The following EPB41L1 variants were observed in gnomAD, a reference collection of about 807,000 sequenced individuals.
EPB41L1 encodes the protein band 4.1-like protein 1.
Under a neutral mutation model 97.8 loss-of-function variants are expected in EPB41L1, and 29 were observed. That is an observed-to-expected ratio of 0.30 (90% confidence interval 0.22 to 0.40). The LOEUF (loss-of-function observed/expected upper bound fraction) is 0.40, where lower values mean the gene tolerates loss of function less well. Among genes scored for constraint, EPB41L1 ranks in the 10% least tolerant of loss-of-function variants. EPB41L1 has a pLI of 1.00. For synonymous variants in EPB41L1, 383 were observed against 459.2 expected (o/e 0.83, Z 2.12); for missense variants, 812 against 1,162.3 (o/e 0.70, Z 4.38).
rs371244835 is a variant in EPB41L1, at chr20:36,210,055, C to T, written c.2079+157C>T. 6.6e-5 allele frequency among the ~76,000 whole-genome samples: 10 copies of T among 152,270 alleles called. No homozygotes were observed. In the East Asian group the frequency reaches 1.2e-3, roughly 18 times the overall value. ...CCGCAGAACAGCATGGTTCTGTGCT[C>T]GCATGTTTGCCATCTCGGTTTACCC... On this transcript the variant is annotated intron_variant, in intron 15 of 21. Transcript: ENST00000338074.
At chr20:36,100,253 GC>G (rs2057968988) in intron 1 of EPB41L1, among the ~76,000 whole-genome samples, 1 of 152,102 alleles carries the variant, frequency 6.6e-6, no homozygotes, top group Admixed American at 6.5e-5. Context: ...CCCCTCCTTG[GC>G]CCCTTGATTC....
At chr20:36,094,839 C>T (rs180891529) in intron 1 of EPB41L1, among the ~76,000 whole-genome samples, 15 of 152,156 alleles carry the variant, frequency 9.9e-5, no homozygotes, top group Non-Finnish European at 1.5e-4. Context: ...GTTCTGTCAC[C>T]GAGACTGGAG....
At chr20:36,171,171 A>C (rs980515236) in intron 1 of EPB41L1, among the ~76,000 whole-genome samples, 1 of 151,032 alleles carries the variant, frequency 6.6e-6, no homozygotes, top group Non-Finnish European at 1.5e-5. Flanking sequence ...TTAAGTAGGC[A>C]GTTATTTTAA....
intron 14 of EPB41L1, among the ~76,000 whole-genome samples, chr20:36,202,249 T>C (rs930377471): frequency 1.3e-5 from 2 of 152,246 alleles, no homozygotes; most frequent in Non-Finnish European, 2.9e-5. Flanking sequence ...GCAGGCACTT[T>C]TGCTGTCCTT....
At chr20:36,103,896 G>A (rs1327142326) in intron 1 of EPB41L1, among the ~76,000 whole-genome samples, 2 of 151,938 alleles carry the variant, frequency 1.3e-5, no homozygotes, top group Non-Finnish European at 2.9e-5. Context: ...AGTAGAGACA[G>A]GGTTTCACCG....
At chr20:36,204,561 C>T (rs952954017) in intron 14 of EPB41L1, among the ~76,000 whole-genome samples, 5 of 150,222 alleles carry the variant, frequency 3.3e-5, no homozygotes, top group Non-Finnish European at 5.9e-5. Context: ...CTCGGCTCAC[C>T]GCAACCTCTG....
At chr20:36,179,978 G>T (rs2061412066) in intron 5 of EPB41L1, among the ~76,000 whole-genome samples, 1 of 152,192 alleles carries the variant, frequency 6.6e-6, no homozygotes, top group African/African-American at 2.4e-5. Flanking sequence ...ATAGGCAGCC[G>T]AGTGTGTGGT....
At chr20:36,168,788 G>A (rs995562278) in intron 1 of EPB41L1, among the ~76,000 whole-genome samples, 2 of 151,798 alleles carry the variant, frequency 1.3e-5, no homozygotes, top group African/African-American at 2.4e-5. Context: ...TCCTGACCTT[G>A]TGATCTGCCC....
chr20:36,162,918 C>T (rs2145685907), intron 1 of EPB41L1, among the ~76,000 whole-genome samples: 1 of 152,328 alleles, frequency 6.6e-6, no homozygotes, highest in African/African-American at 2.4e-5. Flanking sequence ...ACTCAGCTCC[C>T]TTTTTGATCC....
At chr20:36,170,525 C>T (rs1034904923) in intron 1 of EPB41L1, among the ~76,000 whole-genome samples, 3 of 152,146 alleles carry the variant, frequency 2.0e-5, no homozygotes, top group Non-Finnish European at 2.9e-5. Flanking sequence ...AGTGGATAAG[C>T]CATCATTTCT....
chr20:36,182,200 CA>C (rs1182724606), intron 5 of EPB41L1, 71 bp from the exon 6 acceptor site: 5 of 1,390,114 alleles, frequency 3.6e-6, no homozygotes, highest in Non-Finnish European at 5.1e-6. Context: ...AAAAACTGCC[CA>C]GAGGATGGTG....
chr20:36,116,380 G>T (rs897541514), intron 2 of EPB41L1, among the ~76,000 whole-genome samples: 4 of 152,256 alleles, frequency 2.6e-5, no homozygotes, highest in South Asian at 2.1e-4. Flanking sequence ...CCCACAGAAG[G>T]TGCCTTCTTC....
chr20:36,143,137 TTGTGTGTGTGTGTGTGTGTGTG>T (rs59256378), intron 2 of EPB41L1, among the ~76,000 whole-genome samples: 6 of 130,710 alleles, frequency 4.6e-5, no homozygotes, highest in Non-Finnish European at 1.0e-4. Context: ...GAGGGTGTGT[TTGTGTGTGTGTGTGTGTGTGTG>T]TGTGTGTGTG....
chr20:36,114,010 A>G (rs991163513), intron 2 of EPB41L1, among the ~76,000 whole-genome samples: 10 of 152,198 alleles, frequency 6.6e-5, no homozygotes, highest in Admixed American at 4.6e-4. Flanking sequence ...GTGAGAGATA[A>G]TAGACTTTCA....
intron 2 of EPB41L1, among the ~76,000 whole-genome samples, chr20:36,114,512 A>G (rs2058523221): frequency 6.6e-6 from 1 of 152,136 alleles, no homozygotes. Flanking sequence ...CATGGACAGC[A>G]CTGACCTTAT....
At chr20:36,120,184 T>G (rs978013958) in intron 2 of EPB41L1, among the ~76,000 whole-genome samples, 7 of 152,234 alleles carry the variant, frequency 4.6e-5, no homozygotes, top group Admixed American at 6.5e-5. Context: ...GTGATTCATT[T>G]CTGTATCACT....
intron 1 of EPB41L1, among the ~76,000 whole-genome samples, chr20:36,164,072 G>A (rs1013261240): frequency 1.4e-4 from 22 of 152,286 alleles, no homozygotes; most frequent in African/African-American, 5.1e-4. Context: ...TCAAACTCCT[G>A]ACCCCAAGTC....
chr20:36,196,639 GAGCCCAGGGGAAGATTCT>G (rs1292367182), intron 13 of EPB41L1, among the ~76,000 whole-genome samples: 1 of 152,214 alleles, frequency 6.6e-6, no homozygotes, highest in Non-Finnish European at 1.5e-5. Context: ...TACCAGAGAT[GAGCCCAGGGGAAGATTCT>G]AGCTTTGTCC....
At chr20:36,173,161 T>C (rs1235008335) in intron 1 of EPB41L1, among the ~76,000 whole-genome samples, 1 of 152,250 alleles carries the variant, frequency 6.6e-6, no homozygotes, top group Non-Finnish European at 1.5e-5. Flanking sequence ...GAGCCTGTTC[T>C]TTTGACTTTT....
Sources: allele counts gnomAD v4.1 joint callset (sites outside exome capture counted in the v4.1 genomes callset), GRCh38; gene constraint gnomAD v4.1.1; transcripts MANE v1.5; gene names NCBI Gene and HGNC (gene_info 2026-07-23, HGNC 2026-07-21).